NOS1: variants seen among roughly 807,000 people sequenced by gnomAD.
NOS1 encodes nitric oxide synthase 1, also known as NOS type I.
A neutral mutation model predicts 164.5 loss-of-function variants in NOS1; 51 were observed. That is an observed-to-expected ratio of 0.31 (90% CI 0.25 to 0.39). NOS1 has a LOEUF of 0.39. NOS1 is among the 10% of genes least tolerant of loss of function. The probability of loss-of-function intolerance (pLI) is 1.00; values close to 1 mark genes in which losing one functional copy is unlikely to be tolerated. For synonymous variants in NOS1, 719 were observed against 745.8 expected, an observed-to-expected ratio of 0.96 and a Z score of 0.59; for missense variants, 1,362 against 1,885.6, an observed-to-expected ratio of 0.72 and a Z score of 5.14.
intron 1 of NOS1, among the ~76,000 whole-genome samples, chr12:117,357,150 C>A (rs936536253): frequency 2.0e-5 from 3 of 152,270 alleles, no homozygotes; most frequent in Admixed American, 1.3e-4. Context: ...TGACAAAACC[C>A]CGTCTCTACA....
intron 22 of NOS1, 42 bp from the exon 23 acceptor site, chr12:117,227,683 G>A (rs776008507): frequency 3.1e-6 from 5 of 1,595,644 alleles, no homozygotes; most frequent in Admixed American, 1.7e-5. Flanking sequence ...GAACCCAGCT[G>A]CCACATACTT....
intron 7 of NOS1, 151 bp from the exon 8 acceptor site, chr12:117,281,017 C>T (rs2293050): frequency 0.43 from 335,624 of 773,530 alleles, 75,120 homozygotes; most frequent in Admixed American, 0.54. Flanking sequence ...GAGCAGCGGT[C>T]GGAAGGGATG....
chr12:117,322,678 C>T (rs1271448300), intron 2 of NOS1, among the ~76,000 whole-genome samples: 5 of 101,926 alleles, frequency 4.9e-5, no homozygotes, highest in Non-Finnish European at 1.1e-4. Context: ...TCCCTGCTTC[C>T]TTTCTTCCTT....
intron 1 of NOS1, among the ~76,000 whole-genome samples, chr12:117,357,215 C>T (rs898038333): frequency 2.6e-5 from 4 of 151,952 alleles, no homozygotes; most frequent in South Asian, 4.2e-4. Context: ...CCCAGCTACT[C>T]GGGAGGCTGA....
chr12:117,289,111 C>T (rs535154769), intron 4 of NOS1, among the ~76,000 whole-genome samples: 35 of 152,220 alleles, frequency 2.3e-4, no homozygotes, highest in Non-Finnish European at 4.6e-4. Flanking sequence ...TTCCAAGAGG[C>T]CCAGGTTCAA....
chr12:117,236,670 G>A (rs1422860849), intron 20 of NOS1, among the ~76,000 whole-genome samples: 1 of 152,204 alleles, frequency 6.6e-6, no homozygotes, highest in Non-Finnish European at 1.5e-5. Context: ...AGCAGGGGGC[G>A]CTGTGGGGTT....
At chr12:117,350,032 GTTA>G (rs1876544745) in intron 1 of NOS1, among the ~76,000 whole-genome samples, 1 of 152,028 alleles carries the variant, frequency 6.6e-6, no homozygotes, top group South Asian at 2.1e-4. Flanking sequence ...GCCGGCTGGT[GTTA>G]TTATTACTGC....
At chr12:117,353,159 C>G (rs1478979663) in intron 1 of NOS1, among the ~76,000 whole-genome samples, 1 of 152,092 alleles carries the variant, frequency 6.6e-6, no homozygotes, top group Non-Finnish European at 1.5e-5. Context: ...TACCTATCAT[C>G]TGTCTATCCA....
chr12:117,218,322 C>G (rs954349427), intron 27 of NOS1, among the ~76,000 whole-genome samples, 158 bp from the exon 28 acceptor site: 1 of 152,114 alleles, frequency 6.6e-6, no homozygotes, highest in Non-Finnish European at 1.5e-5. Flanking sequence ...CCTTTGATCT[C>G]GAAGACTCTG....
At chr12:117,327,249 T>A (rs1302807522) in intron 2 of NOS1, among the ~76,000 whole-genome samples, 1 of 151,426 alleles carries the variant, frequency 6.6e-6, no homozygotes, top group Non-Finnish European at 1.5e-5. Flanking sequence ...GAGGGAGCAC[T>A]GAGGGACAGG....
chr12:117,232,840 GT>G (rs1363806547), intron 21 of NOS1, among the ~76,000 whole-genome samples: 1 of 151,940 alleles, frequency 6.6e-6, no homozygotes, highest in Non-Finnish European at 1.5e-5. Context: ...AGGAAGTACT[GT>G]CTGGGTTGGA....
At position 117,283,506 on chromosome 12, in the gene NOS1, G is replaced by A. The variant is rs140676276; in HGVS notation, c.1382+1735C>T. On this transcript the variant is annotated intron_variant, in intron 7 of 28. Transcript: ENST00000317775. ...ATACAGCAGTGAAAAAAGTGGAGGT[G>A]CACTGCTGGGACTGGGGTGACCCAT... is the stretch of plus-strand genomic sequence containing the variant. Among the ~76,000 whole-genome samples the A allele has an allele frequency of 6.2e-3, 940 of 152,294 alleles. 3 individuals are homozygous for A. The highest frequency in any genetic ancestry group is 0.011 in the Non-Finnish European group (739 of 68,018).
At chr12:117,297,955 G>T (rs1873539698) in intron 3 of NOS1, among the ~76,000 whole-genome samples, 1 of 152,124 alleles carries the variant, frequency 6.6e-6, no homozygotes, top group Non-Finnish European at 1.5e-5. Context: ...TATGGCAGCA[G>T]TCCTCAACCT....
intron 2 of NOS1, among the ~76,000 whole-genome samples, chr12:117,328,478 T>G (rs1875365712): frequency 6.6e-6 from 1 of 152,220 alleles, no homozygotes; most frequent in Admixed American, 6.5e-5. Context: ...GGTATTTAAA[T>G]GTTGCCTTCC....
At chr12:117,271,397 C>T (rs889991726) in intron 10 of NOS1, among the ~76,000 whole-genome samples, 4 of 152,076 alleles carry the variant, frequency 2.6e-5, no homozygotes, top group African/African-American at 9.7e-5. Context: ...CCTGGCTCAG[C>T]CTTCTGAGTA....
At chr12:117,345,913 A>G (rs1876327419) in intron 1 of NOS1, among the ~76,000 whole-genome samples, 1 of 152,258 alleles carries the variant, frequency 6.6e-6, no homozygotes, top group African/African-American at 2.4e-5. Context: ...TTGGCACATA[A>G]TAGGTACTCA....
In NOS1 at chr12:117,212,844, C is replaced by CAG; in HGVS notation, c.*2463_*2464dup. 1.0e-6 allele frequency: 1 copy of CAG among 985,350 alleles called. No homozygotes were observed. The highest frequency in any genetic ancestry group is 1.2e-6 in the Non-Finnish European group (1 of 829,930). The allele number at this position is 985,350 out of a possible 1,614,324, so 61.0% of individuals were successfully genotyped here. ...CTCTGGTCCTTGAGAGGTTACTCAACAGAGAGAGAGGCTTTTGGTATCAGG... is the reference window on the plus strand; with the variant it reads ...CTCTGGTCCTTGAGAGGTTACTCAACAGAGAGAGAGAGGCTTTTGGTATCAGG... On this transcript the variant is annotated 3_prime_UTR_variant, in exon 29 of 29. Transcript: ENST00000317775.
rs377635057 is a variant in NOS1, at chr12:117,280,717, G to C, written c.1524+8C>G. On this transcript the variant is annotated splice_region_variant and intron_variant, in intron 8 of 28. Transcript: ENST00000317775. Reference sequence around the variant, plus strand: ...TTGGGGCAGGGTAGGGGGCGGAAACGCTCGCACCTCTGTGAACTGCACATT... The same window carrying C: ...TTGGGGCAGGGTAGGGGGCGGAAACCCTCGCACCTCTGTGAACTGCACATT... 4 of 1,612,096 alleles carry C rather than the reference G, an allele frequency of 2.5e-6. No homozygotes were observed. The South Asian group carries it at 4.4e-5, about 18-fold the overall frequency.
chr12:117,315,709 G>A (rs1469805271), intron 2 of NOS1, among the ~76,000 whole-genome samples: 2 of 152,206 alleles, frequency 1.3e-5, no homozygotes, highest in African/African-American at 4.8e-5. Flanking sequence ...GGATTGGGTG[G>A]AACTGGGTTC....
Sources: gnomAD v4.1 joint callset for allele counts (sites outside exome capture counted in the v4.1 genomes callset) on GRCh38, gnomAD v4.1.1 for gene constraint, MANE v1.5 for transcripts, NCBI Gene and HGNC (gene_info 2026-07-23, HGNC 2026-07-21) for gene names.